The following NTF3 variants were observed in gnomAD, a reference collection of about 807,000 sequenced individuals.
NTF3 encodes the protein neurotrophin 3, also known as neurotrophin-3.
In NTF3, 8 loss-of-function variants were observed where a neutral mutation model predicts 26.3. The observed-to-expected ratio is 0.30, with a 90% CI of 0.18 to 0.55. The LOEUF (loss-of-function observed/expected upper bound fraction) is 0.55. Among genes scored for constraint, NTF3 ranks in the 20% least tolerant of loss-of-function variants. The pLI, the probability that NTF3 is intolerant of heterozygous loss-of-function variation, is 0.93. For missense variants in NTF3, 276 were observed against 352.9 expected, an observed-to-expected ratio of 0.78 and a Z score of 1.75; for synonymous variants, 154 against 145.5, an observed-to-expected ratio of 1.06 and a Z score of -0.42.
intron 1 of NTF3, among the ~76,000 whole-genome samples, chr12:5,482,831 T>G (rs940731898): frequency 1.3e-5 from 2 of 151,182 alleles, no homozygotes; most frequent in African/African-American, 4.9e-5. Flanking sequence ...TCTGTCTCTA[T>G]CTCTCCTCCT....
At chr12:5,486,302 C>A (rs1940865334) in intron 1 of NTF3, among the ~76,000 whole-genome samples, 1 of 152,170 alleles carries the variant, frequency 6.6e-6, no homozygotes, top group Admixed American at 6.5e-5. Context: ...CAGCTGTGGT[C>A]TTGGTTTGGA....
intron 1 of NTF3, among the ~76,000 whole-genome samples, chr12:5,474,224 G>A (rs945380874): frequency 2.6e-5 from 4 of 152,188 alleles, no homozygotes; most frequent in South Asian, 4.1e-4. Context: ...AGGCACCATT[G>A]CAGGTGCTAA....
At chr12:5,486,846 G>A (rs191868119) in intron 1 of NTF3, among the ~76,000 whole-genome samples, 40 of 151,830 alleles carry the variant, frequency 2.6e-4, no homozygotes, top group South Asian at 8.3e-4. Context: ...AAAATAGTTC[G>A]ACTAGAGCCC....
At chr12:5,438,165 A>T (rs951303065) in intron 1 of NTF3, among the ~76,000 whole-genome samples, 3 of 152,174 alleles carry the variant, frequency 2.0e-5, no homozygotes, top group Non-Finnish European at 2.9e-5. Flanking sequence ...GACAAAAAAA[A>T]AAAAAGTCTT....
At chr12:5,482,049 C>T (rs1205629156) in intron 1 of NTF3, among the ~76,000 whole-genome samples, 1 of 152,068 alleles carries the variant, frequency 6.6e-6, no homozygotes, top group Non-Finnish European at 1.5e-5. Context: ...TACATGCATG[C>T]ATACACACAC....
chr12:5,446,998 G>A (rs947104023), intron 1 of NTF3, among the ~76,000 whole-genome samples: 1 of 152,176 alleles, frequency 6.6e-6, no homozygotes, highest in Non-Finnish European at 1.5e-5. Flanking sequence ...GGCTTCTTCT[G>A]CACCAAGTAC....
At chr12:5,453,999 T>G (rs1591595822) in intron 1 of NTF3, among the ~76,000 whole-genome samples, 1 of 152,166 alleles carries the variant, frequency 6.6e-6, no homozygotes, top group Non-Finnish European at 1.5e-5. Flanking sequence ...GCATGGCAGG[T>G]AGCCTAAGAC....
At chr12:5,464,810 T>A (rs537770623) in intron 1 of NTF3, among the ~76,000 whole-genome samples, 2 of 152,336 alleles carry the variant, frequency 1.3e-5, no homozygotes, top group South Asian at 4.1e-4. Flanking sequence ...GAGTATCCTA[T>A]GTGCTTGATA....
chr12:5,447,730 T>C (rs560516362), intron 1 of NTF3, among the ~76,000 whole-genome samples: 1 of 152,342 alleles, frequency 6.6e-6, no homozygotes, highest in East Asian at 1.9e-4. Context: ...CATTGCTCTG[T>C]TGGGAAGACG....
chr12:5,448,949 G>A (rs1451774773), intron 1 of NTF3, among the ~76,000 whole-genome samples: 1 of 152,194 alleles, frequency 6.6e-6, no homozygotes, highest in Admixed American at 6.5e-5. Flanking sequence ...GATATGGTAA[G>A]GTATTGTGTT....
At chr12:5,436,583 T>C (rs541214524) in intron 1 of NTF3, among the ~76,000 whole-genome samples, 64 of 152,312 alleles carry the variant, frequency 4.2e-4, no homozygotes, top group African/African-American at 1.5e-3. Flanking sequence ...AAACTTGATG[T>C]GTTTAGTTGT....
chr12:5,452,096 C>CTTTTTTT (rs56032205), intron 1 of NTF3, among the ~76,000 whole-genome samples: 1 of 127,016 alleles, frequency 7.9e-6, no homozygotes, highest in African/African-American at 2.9e-5. Context: ...TTTTTCTTTT[C>CTTTTTTT]TTTTTTTTTT....
intron 1 of NTF3, among the ~76,000 whole-genome samples, chr12:5,485,609 A>T (rs1433194923): frequency 6.6e-6 from 1 of 152,214 alleles, no homozygotes; most frequent in Non-Finnish European, 1.5e-5. Context: ...ATTACAAGCG[A>T]TTATTATGAC....
In NTF3 at chr12:5,438,720, G is replaced by T. The variant is rs537021972; in HGVS notation, c.18+6378G>T. Among the ~76,000 whole-genome samples the T allele has an allele frequency of 3.4e-3, 517 of 152,340 alleles. 3 individuals carry two copies. Among genetic ancestry groups the T allele is most frequent in the African/African-American group, 0.012 (485 of 41,582 alleles). On this transcript the variant is annotated intron_variant, in intron 1 of 1. Coordinates refer to ENST00000423158, the MANE Select transcript of NTF3 (RefSeq NM_001102654.2). ...GCAGGTAGCTGCCTGACTTAGAAGT[G>T]AAGGACCAGGTTCAGTGACTGGGCT...
At chr12:5,484,387 G>A (rs1436187439) in intron 1 of NTF3, among the ~76,000 whole-genome samples, 2 of 152,124 alleles carry the variant, frequency 1.3e-5, no homozygotes, top group African/African-American at 4.8e-5. Flanking sequence ...ATGACTTAGG[G>A]TTGGCACAGG....
At chr12:5,445,512 T>G (rs10774329) in intron 1 of NTF3, among the ~76,000 whole-genome samples, 125,741 of 152,002 alleles carry the variant, frequency 0.83, 52,030 homozygotes, top group East Asian at 0.94. Flanking sequence ...TTGGGGAGTG[T>G]GAATACTCCT....
At chr12:5,431,524 C>T (rs1402948590), upstream of NTF3, among the ~76,000 whole-genome samples, 1 of 151,946 alleles carries the variant, frequency 6.6e-6, no homozygotes, top group African/African-American at 2.4e-5. Flanking sequence ...AGCGATTGTC[C>T]TTGGGCGTGT....
chr12:5,446,034 A>G (rs990410691), intron 1 of NTF3, among the ~76,000 whole-genome samples: 2 of 152,192 alleles, frequency 1.3e-5, no homozygotes, highest in African/African-American at 2.4e-5. Context: ...GAGAAAGACC[A>G]GCATCCATAG....
chr12:5,431,208 C>T (rs1940082566), upstream of NTF3, among the ~76,000 whole-genome samples: 1 of 152,102 alleles, frequency 6.6e-6, no homozygotes, highest in African/African-American at 2.4e-5. Flanking sequence ...GTTTGTTGCT[C>T]GCCTTTCCTG....
Sources: allele counts gnomAD v4.1 joint callset (sites outside exome capture counted in the v4.1 genomes callset), GRCh38; gene constraint gnomAD v4.1.1; transcripts MANE v1.5; gene names NCBI Gene and HGNC (gene_info 2026-07-23, HGNC 2026-07-21).